The following PCDHGC4 variants were observed in gnomAD, a reference collection of about 807,000 sequenced individuals.
PCDHGC4 encodes protocadherin gamma subfamily C, 4, also known as protocadherin gamma-C4.
PCDHGC4 carries 15 observed loss-of-function variants against 59.7 expected under a neutral mutation model. That is an observed-to-expected ratio of 0.25 (90% CI 0.17 to 0.39). The LOEUF is 0.39. Ranked by LOEUF, PCDHGC4 falls within the 10% of genes least tolerant of loss-of-function variation. The pLI is 1.00. For synonymous variants in PCDHGC4, 434 were observed against 481.4 expected (o/e 0.90, Z 1.29); for missense variants, 1,016 against 1,189.5 (o/e 0.85, Z 2.15).
rs532631149 is a variant in PCDHGC4, at chr5:141,506,489, C to A, written c.2590+1008C>A. On this transcript the variant is annotated intron_variant, in intron 3 of 3. Transcript: ENST00000306593. ...AAGAGCACAGGCTTTAGAGGCAGGC[C>A]AATCTGGATTCAAATCCTGGCACCT... 1.9e-4 allele frequency among the ~76,000 whole-genome samples: 29 copies of A among 150,750 alleles called. 1 individual carries two copies. In the South Asian group the frequency reaches 5.9e-3, roughly 31 times the overall value.
At chr5:141,497,733 T>G (rs2099779006) in intron 2 of PCDHGC4, among the ~76,000 whole-genome samples, 2 of 152,078 alleles carry the variant, frequency 1.3e-5, no homozygotes, top group Non-Finnish European at 2.9e-5. Context: ...AGAGATGGGT[T>G]TCGCCACGTT....
rs1289898516 is a variant in PCDHGC4 at position 141,487,019 on chromosome 5, C to G, written c.1846C>G (p.Pro616Ala). Reference protein sequence around the residue: ...VSYQLLEAPDPSLFAVSRYAG... With the variant: ...VSYQLLEAPDASLFAVSRYAG... ...CTATCAGCTCCTGGAGGCCCCAGAT[C>G]CCAGCCTGTTTGCAGTCTCTCGATA... Residue 616 changes from proline (P) to alanine (A), a missense_variant, in exon 1 of 4, where the codon CCC (proline) becomes GCC (alanine). Physicochemically the swap from Pro to Ala is conservative, Grantham distance 27. Transcript: ENST00000306593. The surrounding 1 kb of genome is among the most constrained non-coding windows in gnomAD (Gnocchi z 5.0). 1 of 1,614,204 alleles carries G rather than the reference C, an allele frequency of 6.2e-7. No homozygotes were observed. The highest frequency in any genetic ancestry group is 8.5e-7 in the Non-Finnish European group (1 of 1,180,042).
Position 141,486,059 on chromosome 5 carries a change from C to A in PCDHGC4, c.886C>A (p.His296Asn). Residue 296 changes from histidine to asparagine, a missense_variant, in exon 1 of 4, where the codon CAC becomes AAC. Transcript: ENST00000306593. This position sits in a 1 kb window ranked among gnomAD's most constrained non-coding sequence, Gnocchi z 5.0. ...TCGTGTAAGAAACCTCTTTAGCCTG[C>A]ACCCCACTACTGGAAAGCTTACTCT... The part of the protein sequence containing the change: ...PDRVRNLFSL[H>N]PTTGKLTLLG... 1 of 1,614,152 alleles carries A rather than the reference C, an allele frequency of 6.2e-7. No homozygotes were observed. Among genetic ancestry groups the A allele is most frequent in the Non-Finnish European group, 8.5e-7 (1 of 1,180,010 alleles).
At chr5:141,496,048 G>A (rs1327057788) in intron 2 of PCDHGC4, among the ~76,000 whole-genome samples, 1 of 148,400 alleles carries the variant, frequency 6.7e-6, no homozygotes, top group Non-Finnish European at 1.5e-5. Context: ...TCATTTTTTT[G>A]TGCTTGTGGG....
At chr5:141,495,104 G>C (rs552664771) in intron 2 of PCDHGC4, among the ~76,000 whole-genome samples, 16 of 152,194 alleles carry the variant, frequency 1.1e-4, no homozygotes, top group Admixed American at 8.5e-4. Flanking sequence ...CGCCACGACC[G>C]GCACCTTTTC....
intron 2 of PCDHGC4, among the ~76,000 whole-genome samples, chr5:141,503,998 A>G (rs746158378): frequency 4.6e-5 from 7 of 152,104 alleles, no homozygotes; most frequent in Admixed American, 1.3e-4. Context: ...CCTTACAGTC[A>G]CTTAACTGTC....
chr5:141,494,306 T>G (rs1432951954), intron 1 of PCDHGC4, among the ~76,000 whole-genome samples: 1 of 152,212 alleles, frequency 6.6e-6, no homozygotes, highest in Non-Finnish European at 1.5e-5. Flanking sequence ...AATGTGTCAC[T>G]GCACAACCTG....
In PCDHGC4 at chr5:141,485,222, C is replaced by A; in HGVS notation, c.49C>A (p.Leu17Ile). The A allele has an allele frequency of 6.2e-7, 1 of 1,614,196 alleles. No homozygotes were observed. The highest frequency in any genetic ancestry group is 8.5e-7 in the Non-Finnish European group (1 of 1,180,020). Residue 17 changes from leucine to isoleucine, a missense_variant, in exon 1 of 4, where the codon CTT becomes ATT. By Grantham distance (5) the Leu-to-Ile change is conservative. Transcript: ENST00000306593. This position sits in a 1 kb window ranked among gnomAD's most constrained non-coding sequence, Gnocchi z 5.7. ...SWTEIWRWAT[L>I]LFLFYHLGYV... ...GACAGAAATCTGGCGGTGGGCTACC[C>A]TTTTGTTCCTCTTTTACCACCTGGG...
intron 2 of PCDHGC4, among the ~76,000 whole-genome samples, chr5:141,498,789 C>T (rs1302940884): frequency 6.6e-6 from 1 of 151,980 alleles, no homozygotes; most frequent in Non-Finnish European, 1.5e-5. Context: ...AAATATTAGC[C>T]AGGTGTGGTG....
At chr5:141,506,351 A>G (rs1029519620) in intron 3 of PCDHGC4, among the ~76,000 whole-genome samples, 2 of 150,784 alleles carry the variant, frequency 1.3e-5, no homozygotes, top group African/African-American at 4.9e-5. Context: ...TGGGAGGCTG[A>G]GGCAGGAGAA....
At position 141,493,157 on chromosome 5, in the gene PCDHGC4, T is replaced by C. The variant is rs1261889479; in HGVS notation, c.2443-1650T>C. ...TTGAAACACCCCCAGGTGATTTTGATAGCTGATTGAGAGAAACTTACTATA... is the reference window on the plus strand; with the variant it reads ...TTGAAACACCCCCAGGTGATTTTGACAGCTGATTGAGAGAAACTTACTATA... On this transcript the variant is annotated intron_variant, in intron 1 of 3. Coordinates refer to ENST00000306593, the MANE Select transcript of PCDHGC4 (RefSeq NM_018928.3). This position sits in a 1 kb window ranked among gnomAD's most constrained non-coding sequence, Gnocchi z 4.3. 2.0e-5 allele frequency among the ~76,000 whole-genome samples: 3 copies of C among 152,224 alleles called. No individual in the cohort carries two copies. Among genetic ancestry groups the C allele is most frequent in the Admixed American group, 6.5e-5 (1 of 15,286 alleles).
In PCDHGC4 at chr5:141,489,750, C is replaced by T. The variant is rs753217170; in HGVS notation, c.2442+2135C>T. On this transcript the variant is annotated intron_variant, in intron 1 of 3. Coordinates refer to ENST00000306593, the MANE Select transcript of PCDHGC4 (RefSeq NM_018928.3). The surrounding 1 kb of genome is among the most constrained non-coding windows in gnomAD (Gnocchi z 4.5). ...TGGGCACCAATACTGTGAGCTTTTA[C>T]ACTCTAAGCCCCAACAGCCACTTCT... 1.2e-6 allele frequency: 2 copies of T among 1,614,098 alleles called. No homozygotes were observed. Among genetic ancestry groups the T allele is most frequent in the Admixed American group, 3.3e-5 (2 of 60,022 alleles).
intron 2 of PCDHGC4, among the ~76,000 whole-genome samples, chr5:141,499,496 T>C (rs1167360015): frequency 6.6e-6 from 1 of 152,182 alleles, no homozygotes; most frequent in East Asian, 1.9e-4. Flanking sequence ...CAGTTTAATA[T>C]GAAACATTTC....
At chr5:141,499,029 A>AAGGAAGGAAGGAAGG (rs1562187768) in intron 2 of PCDHGC4, among the ~76,000 whole-genome samples, 10 of 139,968 alleles carry the variant, frequency 7.1e-5, no homozygotes, top group African/African-American at 2.8e-4. Context: ...AGGAAGGAAG[A>AAGGAAGGAAGGAAGG]AAAGAAAGAA....
Position 141,490,389 on chromosome 5 carries a change from T to C in PCDHGC4, c.2442+2774T>C, listed in dbSNP as rs1221410350. The C allele has an allele frequency of 6.2e-7, 1 of 1,614,174 alleles. No homozygotes were observed. Among genetic ancestry groups the C allele is most frequent in the African/African-American group, 1.3e-5 (1 of 75,040 alleles). On this transcript the variant is annotated intron_variant, in intron 1 of 3. Transcript: ENST00000306593. The surrounding 1 kb of genome is among the most constrained non-coding windows in gnomAD (Gnocchi z 5.4). The stretch of plus-strand genomic sequence containing the variant: ...GAGACCGGGACTCAGGTAGAAATGG[T>C]GAAGTGAGCCTTGATATCTCTCCGG...
intron 2 of PCDHGC4, among the ~76,000 whole-genome samples, chr5:141,501,331 ACACC>A (rs747366952): frequency 1.4e-5 from 2 of 138,844 alleles, no homozygotes; most frequent in Non-Finnish European, 3.2e-5. Context: ...ACACACACAC[ACACC>A]CCAAACTCAA....
chr5:141,505,342 T>C (rs2099845433), intron 2 of PCDHGC4, 51 bp from the exon 3 acceptor site: 1 of 1,612,738 alleles, frequency 6.2e-7, no homozygotes, highest in African/African-American at 1.3e-5. Flanking sequence ...AGGAGGGGCA[T>C]GAGCTGTGCC....
At position 141,489,861 on chromosome 5, in the gene PCDHGC4, A is replaced by G. The variant is rs1221756350; in HGVS notation, c.2442+2246A>G. The G allele has an allele frequency of 1.2e-5, 19 of 1,614,058 alleles. No individual in the cohort carries two copies. Among genetic ancestry groups the G allele is most frequent in the Non-Finnish European group, 1.5e-5 (18 of 1,179,998 alleles). On this transcript the variant is annotated intron_variant, in intron 1 of 3. Transcript: ENST00000306593. The surrounding 1 kb of genome is among the most constrained non-coding windows in gnomAD (Gnocchi z 4.5). ...AGCTGGATCGTGAAGCCCAGGCAAGACATCAGCTGGTGCTTACTGCTGTGG... is the reference window on the plus strand; with the variant it reads ...AGCTGGATCGTGAAGCCCAGGCAAGGCATCAGCTGGTGCTTACTGCTGTGG...
chr5:141,491,110 C>T lies in PCDHGC4; in HGVS notation c.2442+3495C>T. On this transcript the variant is annotated intron_variant, in intron 1 of 3. Transcript: ENST00000306593. This position sits in a 1 kb window ranked among gnomAD's most constrained non-coding sequence, Gnocchi z 6.9. ...CCCAGGACTGTTCCTCGTGTCTACA[C>T]ACACTGGTGAGGTGCGCACAGCCCG... 3.7e-6 allele frequency: 6 copies of T among 1,614,212 alleles called. No individual in the cohort carries two copies. Among genetic ancestry groups the T allele is most frequent in the Non-Finnish European group, 5.1e-6 (6 of 1,180,024 alleles).
Sources: allele counts gnomAD v4.1 joint callset (sites outside exome capture counted in the v4.1 genomes callset), GRCh38; gene constraint gnomAD v4.1.1; non-coding constraint Gnocchi (gnomAD v3.1); transcripts MANE v1.5; gene names NCBI Gene and HGNC (gene_info 2026-07-23, HGNC 2026-07-21).